The following CFAP95 variants were observed in gnomAD, a reference collection of about 807,000 sequenced individuals.
CFAP95 encodes cilia- and flagella-associated protein 95.
chr9:69,826,701 C>T, the CFAP95 span, among the ~76,000 whole-genome samples: 146 of 152,044 alleles, frequency 9.6e-4, no homozygotes, highest in African/African-American at 3.0e-3. Context: ...CAAAATTTGA[C>T]GGGAGAGGGA....
At chr9:69,879,412 G>T in the CFAP95 span, among the ~76,000 whole-genome samples, 1 of 152,150 alleles carries the variant, frequency 6.6e-6, no homozygotes, top group African/African-American at 2.4e-5. Context: ...TCTCCAGCAT[G>T]GACGAGGGGA....
chr9:69,894,274 G>C, the CFAP95 span, among the ~76,000 whole-genome samples: 1 of 152,174 alleles, frequency 6.6e-6, no homozygotes, highest in Non-Finnish European at 1.5e-5. Context: ...CTAGGCCCCA[G>C]CTTCAACCTT....
chr9:69,854,046 G>C, the CFAP95 span, among the ~76,000 whole-genome samples: 1 of 152,224 alleles, frequency 6.6e-6, no homozygotes, highest in Non-Finnish European at 1.5e-5. Context: ...GCAACACCAG[G>C]CACCCAGCTA....
the CFAP95 span, among the ~76,000 whole-genome samples, chr9:69,848,877 A>G: frequency 6.6e-6 from 1 of 152,178 alleles, no homozygotes; most frequent in East Asian, 1.9e-4. Flanking sequence ...ATTATCTGAG[A>G]GTCACCAGAA....
the CFAP95 span, among the ~76,000 whole-genome samples, chr9:69,824,475 G>T: frequency 6.6e-6 from 1 of 151,814 alleles, no homozygotes; most frequent in African/African-American, 2.4e-5. Context: ...CCCAACTGAG[G>T]TCAAACAAAG....
chr9:69,899,328 G>T, the CFAP95 span, among the ~76,000 whole-genome samples: 20 of 152,168 alleles, frequency 1.3e-4, no homozygotes, highest in Non-Finnish European at 7.3e-5. Flanking sequence ...TGCAACTCAC[G>T]TATGCAGAGG....
chr9:69,890,286 A>T, the CFAP95 span, among the ~76,000 whole-genome samples: 2 of 152,146 alleles, frequency 1.3e-5, no homozygotes, highest in African/African-American at 4.8e-5. Flanking sequence ...TTTTTTCAGC[A>T]TTATTTCTAA....
chr9:69,833,158 C>T, the CFAP95 span, among the ~76,000 whole-genome samples: 4 of 152,174 alleles, frequency 2.6e-5, no homozygotes, highest in Non-Finnish European at 5.9e-5. Context: ...ATCCCACTCC[C>T]TTTATCCCTT....
the CFAP95 span, among the ~76,000 whole-genome samples, chr9:69,841,619 A>G: frequency 6.6e-6 from 1 of 152,304 alleles, no homozygotes; most frequent in African/African-American, 2.4e-5. Flanking sequence ...GACCTGTATT[A>G]GTCGTTCTCA....
At chr9:69,880,739 G>C in the CFAP95 span, among the ~76,000 whole-genome samples, 6 of 152,148 alleles carry the variant, frequency 3.9e-5, no homozygotes, top group African/African-American at 1.4e-4. Flanking sequence ...CCTCCAAACT[G>C]TTCTCCATAG....
the CFAP95 span, among the ~76,000 whole-genome samples, chr9:69,821,773 A>C: frequency 6.6e-6 from 1 of 151,404 alleles, no homozygotes; most frequent in Non-Finnish European, 1.5e-5. Context: ...TTAGTTGGCC[A>C]CATTTAAAAC....
At chr9:69,848,890 G>A in the CFAP95 span, among the ~76,000 whole-genome samples, 12 of 152,236 alleles carry the variant, frequency 7.9e-5, no homozygotes, top group South Asian at 1.9e-3. Flanking sequence ...CACCAGAAAC[G>A]CCCCGGGACC....
chr9:69,889,674 C>T, the CFAP95 span, among the ~76,000 whole-genome samples: 7 of 152,198 alleles, frequency 4.6e-5, no homozygotes, highest in African/African-American at 1.4e-4. Context: ...GATAACTAAA[C>T]TCTTTCTTTG....
At chr9:69,860,544 G>A in the CFAP95 span, among the ~76,000 whole-genome samples, 2 of 151,116 alleles carry the variant, frequency 1.3e-5, no homozygotes, top group East Asian at 3.9e-4. Flanking sequence ...AGCAATATTG[G>A]CCTTTCTTCA....
chr9:69,874,342 C>G, the CFAP95 span, among the ~76,000 whole-genome samples: 1 of 152,136 alleles, frequency 6.6e-6, no homozygotes, highest in Non-Finnish European at 1.5e-5. Flanking sequence ...TACGGGAAGC[C>G]AAACAATCAT....
chr9:69,834,397 C>G, the CFAP95 span, among the ~76,000 whole-genome samples: 1 of 152,186 alleles, frequency 6.6e-6, no homozygotes, highest in African/African-American at 2.4e-5. Flanking sequence ...CCGTTTTTCA[C>G]CACTCCTGGT....
the CFAP95 span, among the ~76,000 whole-genome samples, chr9:69,846,254 G>A: frequency 6.6e-6 from 1 of 152,020 alleles, no homozygotes; most frequent in Non-Finnish European, 1.5e-5. Context: ...CGGGATATGA[G>A]GTATAGGAAC....
At chr9:69,884,601 C>G in the CFAP95 span, 1 of 152,064 alleles carries the variant, frequency 6.6e-6, no homozygotes, top group East Asian at 1.9e-4. Context: ...ACCCTCCTGC[C>G]TCAACCTCCT....
chr9:69,823,212 C>G, the CFAP95 span, among the ~76,000 whole-genome samples: 2 of 152,114 alleles, frequency 1.3e-5, 1 homozygote, highest in East Asian at 3.9e-4. Context: ...AACTTCGAAA[C>G]GCTGATAAAA....
Sources: allele counts gnomAD v4.1 joint callset (sites outside exome capture counted in the v4.1 genomes callset), GRCh38; gene constraint gnomAD v4.1.1; transcripts MANE v1.5; gene names NCBI Gene and HGNC (gene_info 2026-07-23, HGNC 2026-07-21).